The following ABCB5 variants were observed in gnomAD, a reference collection of about 807,000 sequenced individuals.
The protein encoded by ABCB5 is ATP binding cassette subfamily B member 5, also known as ATP-binding cassette sub-family B member 5.
ABCB5 carries 155 observed loss-of-function variants against 144.2 expected under a neutral mutation model. The ratio of observed to expected loss-of-function variants is 1.08; its 90% CI spans 0.94 to 1.23. The LOEUF is 1.23. Among genes scored for constraint, ABCB5 ranks in the 50% most tolerant of loss-of-function variants. ABCB5 has a pLI of 0.00. For synonymous variants in ABCB5, 610 were observed against 528.6 expected, an observed-to-expected ratio of 1.15 and a Z score of -2.11; for missense variants, 1,830 against 1,520.8, an observed-to-expected ratio of 1.20 and a Z score of -3.38.
chr7:20,736,243 G>A (rs1330534437), intron 23 of ABCB5, among the ~76,000 whole-genome samples: 1 of 152,036 alleles, frequency 6.6e-6, no homozygotes, highest in Non-Finnish European at 1.5e-5. Flanking sequence ...TCTTGAGACG[G>A]AGTCTCACTC....
intron 14 of ABCB5, 135 bp downstream of exon 14, chr7:20,658,811 C>T: frequency 8.8e-7 from 1 of 1,131,980 alleles, no homozygotes; most frequent in Non-Finnish European, 1.2e-6. Flanking sequence ...TGTTAATCCA[C>T]TGAGAACTTA....
intron 14 of ABCB5, chr7:20,659,262 G>T: frequency 6.7e-7 from 1 of 1,496,340 alleles, no homozygotes; most frequent in Non-Finnish European, 8.9e-7. Flanking sequence ...GAGGGGAGTT[G>T]GCAGTGGCGG....
intron 15 of ABCB5, 59 bp downstream of exon 15, chr7:20,681,725 C>A: frequency 6.5e-7 from 1 of 1,541,800 alleles, no homozygotes; most frequent in South Asian, 1.2e-5. Context: ...GAGATCATAC[C>A]ACACTAGAAA....
rs115020864 is a variant in ABCB5 at position 20,712,976 on chromosome 7, C to T, written c.2421+8169C>T. On this transcript the variant is annotated intron_variant, in intron 20 of 27. Coordinates refer to ENST00000404938, the MANE Select transcript of ABCB5 (RefSeq NM_001163941.2). The stretch of plus-strand genomic sequence containing the variant: ...ACATTATTATTAACTATAGTTACCA[C>T]GATATACAACAGATCTCTTAAACTT... Among the ~76,000 whole-genome samples, 1,344 of 149,658 alleles carry T rather than the reference C, an allele frequency of 9.0e-3. 91 individuals are homozygous for T. Among genetic ancestry groups the T allele is most frequent in the African/African-American group, 0.032 (1,279 of 40,534 alleles).
At chr7:20,719,787 C>G (rs1284073033) in intron 20 of ABCB5, among the ~76,000 whole-genome samples, 1 of 152,132 alleles carries the variant, frequency 6.6e-6, no homozygotes, top group Admixed American at 6.6e-5. Flanking sequence ...CCAGTTTTCT[C>G]CCTTGTGAAG....
rs1051451992 is a variant in ABCB5 at position 20,702,722 on chromosome 7, C to T, written c.2338-2002C>T. ...TGTCGCCCAGGCTGGACTGCAATGG[C>T]GTGATCTCGGCTCACTGCAAGCTCC... On this transcript the variant is annotated intron_variant, in intron 19 of 27. Coordinates refer to ENST00000404938, the MANE Select transcript of ABCB5 (RefSeq NM_001163941.2). Among the ~76,000 whole-genome samples, 3 of 139,418 alleles carry T rather than the reference C, an allele frequency of 2.2e-5. No individual in the cohort carries two copies. The Admixed American group carries it at 2.3e-4, about 11-fold the overall frequency. The allele number at this position is 139,418 out of a possible 152,430, so 91.5% of individuals were successfully genotyped here.
chr7:20,629,402 T>C (rs1783983198), intron 4 of ABCB5, among the ~76,000 whole-genome samples: 1 of 152,110 alleles, frequency 6.6e-6, no homozygotes, highest in Non-Finnish European at 1.5e-5. Context: ...GAAGTGGTGA[T>C]TACATCAGGA....
chr7:20,702,813 C>T (rs1035036604), intron 19 of ABCB5, among the ~76,000 whole-genome samples: 5 of 150,524 alleles, frequency 3.3e-5, no homozygotes, highest in Non-Finnish European at 5.9e-5. Flanking sequence ...AGGCGCCCAC[C>T]GCCACGCCTG....
chr7:20,722,691 G>A (rs992451490), intron 20 of ABCB5, among the ~76,000 whole-genome samples: 11 of 152,030 alleles, frequency 7.2e-5, no homozygotes, highest in South Asian at 2.1e-4. Flanking sequence ...GCTTGGTGGC[G>A]GTTGCCTGTA....
chr7:20,706,892 G>T (rs2128045029), intron 20 of ABCB5, among the ~76,000 whole-genome samples: 1 of 152,220 alleles, frequency 6.6e-6, no homozygotes, highest in East Asian at 1.9e-4. Context: ...ATCGAAGAAA[G>T]ATTTCAGGAG....
chr7:20,722,499 A>G (rs947390703), intron 20 of ABCB5, among the ~76,000 whole-genome samples: 1 of 152,186 alleles, frequency 6.6e-6, no homozygotes, highest in South Asian at 2.1e-4. Context: ...ATTCCACTAA[A>G]CTAAAATCCA....
intron 14 of ABCB5, among the ~76,000 whole-genome samples, chr7:20,681,084 CTTT>C (rs1785805198): frequency 9.2e-5 from 7 of 76,416 alleles, no homozygotes; most frequent in African/African-American, 1.3e-4. Context: ...TTCTTTCTTT[CTTT>C]CTTTCTTTCT....
At chr7:20,666,381 G>A (rs184264974) in intron 14 of ABCB5, among the ~76,000 whole-genome samples, 135 of 152,212 alleles carry the variant, frequency 8.9e-4, no homozygotes, top group African/African-American at 2.8e-3. Flanking sequence ...GCCTGGTAAT[G>A]GACCCTCTCA....
At chr7:20,732,720 C>T (rs901434939) in intron 23 of ABCB5, among the ~76,000 whole-genome samples, 14 of 152,126 alleles carry the variant, frequency 9.2e-5, no homozygotes, top group Non-Finnish European at 2.1e-4. Context: ...AGGACTGGAT[C>T]TAAATCGAGG....
intron 2 of ABCB5, 87 bp downstream of exon 2, chr7:20,623,425 AT>A (rs955518539): frequency 2.6e-6 from 3 of 1,138,312 alleles, no homozygotes; most frequent in African/African-American, 1.6e-5. Context: ...AATGTTTATA[AT>A]TTTTTCCCAA....
rs1413291631 is a variant in ABCB5, at chr7:20,698,481, G to T, written c.2085G>T (p.Gly695=). The T allele has an allele frequency of 1.2e-6, 2 of 1,603,950 alleles. No homozygotes were observed. Among genetic ancestry groups the T allele is most frequent in the Non-Finnish European group, 1.7e-6 (2 of 1,176,534 alleles). Residue 695 remains glycine (G), a synonymous_variant, in exon 17 of 28, where the codon GGG becomes GGT. Coordinates refer to ENST00000404938, the MANE Select transcript of ABCB5 (RefSeq NM_001163941.2). Reference sequence around the variant, plus strand: ...CTGAATGGCCTTTTGTGGTTCTGGGGACATTGGCTTCTGTTCTAAATGGAA... The same window carrying T: ...CTGAATGGCCTTTTGTGGTTCTGGGTACATTGGCTTCTGTTCTAAATGGAA... The part of the protein sequence containing the change: ...NKPEWPFVVL[G]TLASVLNGTV...
intron 21 of ABCB5, among the ~76,000 whole-genome samples, chr7:20,724,628 CAAAA>C (rs34395637): frequency 1.4e-4 from 12 of 88,586 alleles, no homozygotes; most frequent in African/African-American, 4.4e-4. Flanking sequence ...AGCTCTGTCT[CAAAA>C]AAAAAAAAAA....
At chr7:20,728,888 A>C (rs1388893630) in intron 23 of ABCB5, among the ~76,000 whole-genome samples, 1 of 152,196 alleles carries the variant, frequency 6.6e-6, no homozygotes, top group Non-Finnish European at 1.5e-5. Flanking sequence ...GGTATGCTTG[A>C]ATTTTTTTTA....
At chr7:20,622,930 CAAAT>C (rs1201027262) in intron 1 of ABCB5, among the ~76,000 whole-genome samples, 5 of 152,108 alleles carry the variant, frequency 3.3e-5, no homozygotes, top group Non-Finnish European at 7.4e-5. Context: ...CAATTCCAGT[CAAAT>C]GAATGGCAAA....
Sources: gnomAD v4.1 joint callset for allele counts (sites outside exome capture counted in the v4.1 genomes callset) on GRCh38, gnomAD v4.1.1 for gene constraint, MANE v1.5 for transcripts, NCBI Gene and HGNC (gene_info 2026-07-23, HGNC 2026-07-21) for gene names.